The following PDE8A variants were observed in gnomAD, a reference collection of about 807,000 sequenced individuals.
The protein encoded by PDE8A is phosphodiesterase 8A.
In PDE8A, 59 loss-of-function variants were observed where a neutral mutation model predicts 105.0. That is an observed-to-expected ratio of 0.56 (90% CI 0.46 to 0.70). The LOEUF (loss-of-function observed/expected upper bound fraction) is 0.70, where lower values mean the gene tolerates loss of function less well. Ranked by LOEUF, PDE8A falls within the 30% of genes least tolerant of loss-of-function variation. The pLI is 0.00. For missense variants in PDE8A, 1,014 were observed against 1,045.9 expected, an observed-to-expected ratio of 0.97 and a Z score of 0.42; for synonymous variants, 355 against 371.9, an observed-to-expected ratio of 0.95 and a Z score of 0.52.
At chr15:84,981,402 C>G (rs2079705170), upstream of PDE8A, among the ~76,000 whole-genome samples, 1 of 152,164 alleles carries the variant, frequency 6.6e-6, no homozygotes, top group East Asian at 1.9e-4. Context: ...GAGCCGGAGC[C>G]GTACCGCCAG....
chr15:85,078,783 G>A (rs1247290252), intron 5 of PDE8A, among the ~76,000 whole-genome samples: 1 of 152,122 alleles, frequency 6.6e-6, no homozygotes, highest in African/African-American at 2.4e-5. Flanking sequence ...AAAGAAAATG[G>A]TCTGTATAGG....
chr15:85,077,681 A>G (rs903080750), intron 5 of PDE8A, among the ~76,000 whole-genome samples: 1 of 152,232 alleles, frequency 6.6e-6, no homozygotes, highest in Non-Finnish European at 1.5e-5. Flanking sequence ...GCCTAGTAAC[A>G]GACCCTCACA....
chr15:85,086,933 T>C (rs529175544), intron 6 of PDE8A, among the ~76,000 whole-genome samples: 25 of 152,168 alleles, frequency 1.6e-4, no homozygotes, highest in African/African-American at 4.1e-4. Flanking sequence ...TTTGTTGTTA[T>C]TGTATTTTTT....
intron 3 of PDE8A, among the ~76,000 whole-genome samples, chr15:85,073,301 T>C (rs1443843867): frequency 6.6e-6 from 1 of 152,224 alleles, no homozygotes; most frequent in Non-Finnish European, 1.5e-5. Flanking sequence ...AATGCAAGGA[T>C]GTTATTTTTC....
chr15:85,108,695 G>A (rs1047364290), intron 11 of PDE8A, among the ~76,000 whole-genome samples: 1 of 151,792 alleles, frequency 6.6e-6, no homozygotes, highest in Admixed American at 6.6e-5. Context: ...TTTTTCTTTG[G>A]GGCAAGATGA....
intron 11 of PDE8A, among the ~76,000 whole-genome samples, chr15:85,107,754 G>C (rs1003407252): frequency 2.0e-5 from 3 of 152,148 alleles, no homozygotes; most frequent in African/African-American, 7.2e-5. Flanking sequence ...GGTGGTAAAT[G>C]GTAAGTTAAG....
chr15:85,069,915 G>A (rs956595068), intron 3 of PDE8A, among the ~76,000 whole-genome samples: 3 of 152,200 alleles, frequency 2.0e-5, no homozygotes, highest in Non-Finnish European at 4.4e-5. Context: ...GGCAAGAGCA[G>A]ACCCTGATTT....
chr15:85,008,674 C>G (rs1308370391), intron 1 of PDE8A, among the ~76,000 whole-genome samples: 1 of 152,186 alleles, frequency 6.6e-6, no homozygotes, highest in Non-Finnish European at 1.5e-5. Context: ...CCTTTTCTGA[C>G]TCCAGGCCCC....
At chr15:85,081,936 C>T (rs893925577) in intron 5 of PDE8A, among the ~76,000 whole-genome samples, 2 of 152,088 alleles carry the variant, frequency 1.3e-5, no homozygotes, top group African/African-American at 2.4e-5. Flanking sequence ...GATAAATACA[C>T]ATTCCCTCCA....
chr15:85,136,600 A>G lies in PDE8A; in HGVS notation c.2320A>G (p.Ile774Val). The G allele has an allele frequency of 6.2e-7, 1 of 1,613,858 alleles. No individual in the cohort carries two copies. Residue 774 changes from isoleucine (I) to valine (V), a missense_variant, in exon 21 of 22, where the codon ATC becomes GTC. By Grantham distance (29) the Ile-to-Val change is conservative. Coordinates refer to ENST00000394553, the MANE Select transcript of PDE8A (RefSeq NM_002605.3). ...AGTGTTTGACAGAAATACCTGCAGCATCCCCAAATCCCAAATCTCTTTCAT... is the reference window on the plus strand; with the variant it reads ...AGTGTTTGACAGAAATACCTGCAGCGTCCCCAAATCCCAAATCTCTTTCAT... ...MPVFDRNTCS[I>V]PKSQISFIDY...
At chr15:85,047,250 A>G (rs187232195) in intron 1 of PDE8A, among the ~76,000 whole-genome samples, 6 of 152,346 alleles carry the variant, frequency 3.9e-5, no homozygotes, top group African/African-American at 1.2e-4. Flanking sequence ...TATGATTTCC[A>G]TACATAAAGA....
At chr15:85,113,223 C>T (rs1043501782) in intron 12 of PDE8A, among the ~76,000 whole-genome samples, 154 bp from the exon 13 acceptor site, 1 of 152,128 alleles carries the variant, frequency 6.6e-6, no homozygotes, top group Non-Finnish European at 1.5e-5. Flanking sequence ...TTGGTTATGC[C>T]AGAACCCCAG....
At position 85,022,426 on chromosome 15, in the gene PDE8A, G is replaced by GT. The variant is rs3042744; in HGVS notation, c.186+40095dup. ...GCAGCTTTGTCTGGGTATTGGAAGT[G>GT]TTTTTTTTTTTTTTTTTGTAATGTC... On this transcript the variant is annotated intron_variant, in intron 1 of 21. Coordinates refer to ENST00000394553, the MANE Select transcript of PDE8A (RefSeq NM_002605.3). 6.1e-3 allele frequency among the ~76,000 whole-genome samples: 824 copies of GT among 134,428 alleles called. 9 individuals carry two copies. The highest frequency in any genetic ancestry group is 0.019 in the African/African-American group (686 of 36,072). The allele number at this position is 134,428 out of a possible 152,430, so 88.2% of individuals were successfully genotyped here.
At chr15:85,105,212 T>C (rs1456357149) in intron 11 of PDE8A, among the ~76,000 whole-genome samples, 1 of 151,920 alleles carries the variant, frequency 6.6e-6, no homozygotes, top group East Asian at 1.9e-4. Flanking sequence ...TCATAGATGA[T>C]TGAAAAGAGT....
intron 1 of PDE8A, chr15:85,063,172 G>C (rs1793444943): frequency 6.6e-6 from 1 of 152,168 alleles, no homozygotes; most frequent in African/African-American, 2.4e-5. Context: ...ATAATTACTA[G>C]ACATCAGCTT....
At chr15:84,983,269 GACA>G (rs1334397732) in intron 1 of PDE8A, among the ~76,000 whole-genome samples, 5 of 152,190 alleles carry the variant, frequency 3.3e-5, no homozygotes, top group African/African-American at 4.8e-5. Flanking sequence ...ACCAGTAAAA[GACA>G]ACAACAACAA....
At chr15:85,076,858 C>A in intron 5 of PDE8A, 71 bp downstream of exon 5, 1 of 996,970 alleles carries the variant, frequency 1.0e-6, no homozygotes, top group Non-Finnish European at 1.6e-6. Context: ...GTTCAGTACC[C>A]AGCAAAAGCT....
In PDE8A at chr15:85,002,230, CT is replaced by C. The variant is rs2080078845; in HGVS notation, c.186+19883del. 4.6e-5 allele frequency among the ~76,000 whole-genome samples: 7 copies of C among 152,214 alleles called. 1 individual carries two copies. Among genetic ancestry groups the C allele is most frequent in the Middle Eastern group, 3.4e-3 (1 of 294 alleles). ...AAAGTAGTAGGTCTTTAGGTTGCCC[CT>C]AATTGTTGTCTGACTTGGCTACGAA... On this transcript the variant is annotated intron_variant, in intron 1 of 21. Coordinates refer to ENST00000394553, the MANE Select transcript of PDE8A (RefSeq NM_002605.3).
rs1472850163 is a variant in PDE8A, at chr15:85,137,933, T to G, written c.*30T>G. ...AGACACCACCCAGAGCCCTGAAGCTTTGTTCCTTCGGTCATTTGGAATTCC... is the reference window on the plus strand; with the variant it reads ...AGACACCACCCAGAGCCCTGAAGCTGTGTTCCTTCGGTCATTTGGAATTCC... On this transcript the variant is annotated 3_prime_UTR_variant, in exon 22 of 22. Coordinates refer to ENST00000394553, the MANE Select transcript of PDE8A (RefSeq NM_002605.3). 1.4e-6 allele frequency: 2 copies of G among 1,387,488 alleles called. No homozygotes were observed. The highest frequency in any genetic ancestry group is 2.3e-5 in the East Asian group (1 of 43,678). 85.9% of individuals were successfully genotyped at this position (1,387,488 alleles called of 1,614,324 possible).
Sources: gnomAD v4.1 joint callset for allele counts (sites outside exome capture counted in the v4.1 genomes callset) on GRCh38, gnomAD v4.1.1 for gene constraint, MANE v1.5 for transcripts, NCBI Gene and HGNC (gene_info 2026-07-23, HGNC 2026-07-21) for gene names.